MAGEC3: variants seen among roughly 807,000 people sequenced by gnomAD.
The protein encoded by MAGEC3 is melanoma-associated antigen C3.
In MAGEC3, 34 loss-of-function variants were observed where a neutral mutation model predicts 35.3. The observed-to-expected ratio is 0.96, with a 90% confidence interval of 0.73 to 1.28. The LOEUF (loss-of-function observed/expected upper bound fraction) is 1.28. MAGEC3 is among the 50% of genes most tolerant of loss of function. The pLI, the probability that MAGEC3 is intolerant of heterozygous loss-of-function variation, is 0.00. For synonymous variants in MAGEC3, 202 were observed against 185.6 expected (o/e 1.09, Z -0.72); for missense variants, 561 against 483.6 (o/e 1.16, Z -1.50).
At chrX:141,876,055 A>G (rs905692221) in intron 2 of MAGEC3, among the ~76,000 whole-genome samples, 9 of 112,435 alleles carry the variant, frequency 8.0e-5, no homozygotes, top group Non-Finnish European at 1.5e-4. Context: ...GGGTTCCTGA[A>G]TCCTGCTGAG....
intron 7 of MAGEC3, 53 bp downstream of exon 7, chrX:141,897,539 C>T (rs755807028): frequency 4.2e-6 from 5 of 1,194,510 alleles, no homozygotes; most frequent in Non-Finnish European, 5.6e-6. Context: ...AAGCTGCTCA[C>T]TATACATTGG....
intron 4 of MAGEC3, among the ~76,000 whole-genome samples, chrX:141,885,088 C>G (rs2017992423): frequency 8.9e-6 from 1 of 111,912 alleles, no homozygotes; most frequent in Admixed American, 9.5e-5. Flanking sequence ...GGACCCACCC[C>G]CAAAATCCCT....
intron 1 of MAGEC3, chrX:141,838,953 C>T (rs763901962): frequency 5.3e-5 from 31 of 584,614 alleles, no homozygotes; most frequent in Non-Finnish European, 6.2e-5. Flanking sequence ...GCTTAAGTCT[C>T]AAGAAGTGTG....
chrX:141,858,696 G>A (rs917496107), intron 1 of MAGEC3, among the ~76,000 whole-genome samples: 62 of 109,926 alleles, frequency 5.6e-4, no homozygotes, highest in African/African-American at 1.5e-3. Context: ...CACACACCAT[G>A]GAAGCCCTTG....
At chrX:141,862,525 A>T (rs1423910955) in intron 1 of MAGEC3, among the ~76,000 whole-genome samples, 1 of 112,515 alleles carries the variant, frequency 8.9e-6, no homozygotes, top group African/African-American at 3.2e-5. Context: ...AAAGATACAG[A>T]TTCTACCCAG....
chrX:141,886,594 G>A (rs1411199547), intron 4 of MAGEC3, among the ~76,000 whole-genome samples: 1 of 110,931 alleles, frequency 9.0e-6, no homozygotes, highest in African/African-American at 3.3e-5. Context: ...GGCTTTTGGA[G>A]GTGAGATAGT....
In MAGEC3 at chrX:141,879,204, T is replaced by C. The variant is rs866238604; in HGVS notation, c.288T>C (p.Gly96=). Residue 96 remains glycine (G), a synonymous_variant, in exon 3 of 8, where the codon GGT becomes GGC. Transcript: ENST00000298296. The part of the protein sequence containing the change: ...KLWRTLSGSP[G]LQLSDLHFGS... The stretch of plus-strand genomic sequence containing the variant: ...GGAGGACCCTATCAGGGTCCCCAGG[T>C]TTACAACTTTCTGACTTGCATTTTG... 8.4e-7 allele frequency: 1 copy of C among 1,196,171 alleles called. No individual in the cohort carries two copies. Among genetic ancestry groups the C allele is most frequent in the African/African-American group, 1.8e-5 (1 of 56,684 alleles).
chrX:141,874,412 G>T (rs1390087996), intron 2 of MAGEC3, among the ~76,000 whole-genome samples: 1 of 111,135 alleles, frequency 9.0e-6, no homozygotes, highest in Non-Finnish European at 1.9e-5. Context: ...AGAACAAAAA[G>T]GAAAAACGAG....
intron 3 of MAGEC3, chrX:141,880,882 G>A (rs751369321): frequency 9.7e-7 from 1 of 1,031,818 alleles, no homozygotes; most frequent in Non-Finnish European, 1.3e-6. Flanking sequence ...TCTCAGCTGA[G>A]GCCACTTGCA....
Position 141,879,373 on chromosome X carries a change from A to G in MAGEC3, c.457A>G (p.Thr153Ala), listed in dbSNP as rs747879989. Residue 153 changes from threonine (T) to alanine (A), a missense_variant, in exon 3 of 8, where the codon ACC becomes GCC. By Grantham distance (58) the Thr-to-Ala change is moderately conservative. Coordinates refer to ENST00000298296, the MANE Select transcript of MAGEC3 (RefSeq NM_138702.1). The stretch of plus-strand genomic sequence containing the variant: ...AACATGGAGGAGAGGCACAGGCTAC[A>G]CCCTTTCCCTTCCTGCCGTCAGCCC... ...LPTWRRGTGYTLSLPAVSPGK... is the reference protein window; with the variant it reads ...LPTWRRGTGYALSLPAVSPGK... 16 of 1,171,455 alleles carry G rather than the reference A, an allele frequency of 1.4e-5. No individual in the cohort carries two copies. Among genetic ancestry groups the G allele is most frequent in the Non-Finnish European group, 1.8e-5 (16 of 884,442 alleles).
intron 1 of MAGEC3, among the ~76,000 whole-genome samples, chrX:141,849,912 C>T (rs186767143): frequency 9.0e-6 from 1 of 111,411 alleles, no homozygotes; most frequent in African/African-American, 3.2e-5. Flanking sequence ...ACCAAAAAGA[C>T]ACATGCACTC....
chrX:141,859,571 CA>C (rs1832544389), intron 1 of MAGEC3, among the ~76,000 whole-genome samples: 1 of 111,278 alleles, frequency 9.0e-6, no homozygotes, highest in African/African-American at 3.3e-5. Context: ...CTGATGCTAC[CA>C]AAATGGCATA....
chrX:141,847,123 G>A (rs2017721833), intron 1 of MAGEC3, among the ~76,000 whole-genome samples: 1 of 110,967 alleles, frequency 9.0e-6, no homozygotes, highest in African/African-American at 3.3e-5. Context: ...ATAGAATTTA[G>A]AAATAGGGCA....
chrX:141,895,915 G>A (rs747275670), intron 6 of MAGEC3, among the ~76,000 whole-genome samples: 25 of 111,809 alleles, frequency 2.2e-4, no homozygotes, highest in Admixed American at 6.6e-4. Flanking sequence ...GACTGCCCCC[G>A]TGGTAGAGTG....
At chrX:141,886,929 C>T (rs756873379) in intron 4 of MAGEC3, among the ~76,000 whole-genome samples, 8 of 111,931 alleles carry the variant, frequency 7.1e-5, no homozygotes, top group African/African-American at 9.8e-5. Flanking sequence ...AACTGAAATA[C>T]GCAGGGGTGG....
Position 141,879,408 on chromosome X carries a change from G to A in MAGEC3, c.492G>A (p.Arg164=). 3 of 1,183,960 alleles carry A rather than the reference G, an allele frequency of 2.5e-6. No homozygotes were observed. Among genetic ancestry groups the A allele is most frequent in the Non-Finnish European group, 3.4e-6 (3 of 880,825 alleles). Residue 164 remains arginine, a synonymous_variant, in exon 3 of 8, where the codon AGG becomes AGA. Coordinates refer to ENST00000298296, the MANE Select transcript of MAGEC3 (RefSeq NM_138702.1). ...LSLPAVSPGK[R]LWGEKAGSLP... ...TTCCTGCCGTCAGCCCTGGAAAAAG[G>A]TTGTGGGGGGAGAAAGCGGGGAGGT...
intron 1 of MAGEC3, among the ~76,000 whole-genome samples, chrX:141,856,213 A>T (rs987040185): frequency 4.5e-5 from 5 of 111,672 alleles, no homozygotes; most frequent in Admixed American, 9.5e-5. Flanking sequence ...ATGCTAGACA[A>T]TGGAGCACAT....
intron 1 of MAGEC3, among the ~76,000 whole-genome samples, chrX:141,844,167 A>T (rs1334328672): frequency 7.2e-5 from 8 of 111,672 alleles, no homozygotes; most frequent in African/African-American, 2.6e-4. Context: ...GATGTACAGC[A>T]TTCCATTTTA....
At chrX:141,880,320 G>A (rs992038306) in intron 3 of MAGEC3, among the ~76,000 whole-genome samples, 25 of 110,748 alleles carry the variant, frequency 2.3e-4, no homozygotes, top group Admixed American at 1.9e-3. Context: ...CCTGAGTTTT[G>A]GCTAGAAGAG....
Sources: allele counts gnomAD v4.1 joint callset (sites outside exome capture counted in the v4.1 genomes callset), GRCh38; gene constraint gnomAD v4.1.1; transcripts MANE v1.5; gene names NCBI Gene and HGNC (gene_info 2026-07-23, HGNC 2026-07-21).